CFAP54: variants seen among roughly 807,000 people sequenced by gnomAD.
CFAP54 encodes cilia- and flagella-associated protein 54.
CFAP54 carries 290 observed loss-of-function variants against 370.4 expected under a neutral mutation model. The ratio of observed to expected loss-of-function variants is 0.78; its 90% CI spans 0.71 to 0.86. The LOEUF is 0.86. Among genes scored for constraint, CFAP54 ranks in the 40% least tolerant of loss-of-function variants. The pLI is 0.00. For synonymous variants in CFAP54, 1,206 were observed against 1,236.5 expected, an observed-to-expected ratio of 0.98 and a Z score of 0.52; for missense variants, 3,399 against 3,528.7, an observed-to-expected ratio of 0.96 and a Z score of 0.93.
At chr12:96,687,650 C>T (rs1282756717) in intron 42 of CFAP54, among the ~76,000 whole-genome samples, 2 of 152,158 alleles carry the variant, frequency 1.3e-5, no homozygotes, top group Non-Finnish European at 2.9e-5. Context: ...GAAAGTACTG[C>T]TTTAAAAGTA....
intron 62 of CFAP54, among the ~76,000 whole-genome samples, chr12:96,788,316 G>A (rs1050159250): frequency 5.9e-5 from 9 of 152,098 alleles, no homozygotes; most frequent in African/African-American, 1.4e-4. Context: ...TTTCTGCTTC[G>A]TAGATACAGA....
intron 5 of CFAP54, among the ~76,000 whole-genome samples, chr12:96,514,923 A>G (rs1360903062): frequency 1.3e-5 from 2 of 152,190 alleles, no homozygotes; most frequent in Admixed American, 1.3e-4. Flanking sequence ...CACAGGGTAC[A>G]TAAATTTTGC....
intron 4 of CFAP54, among the ~76,000 whole-genome samples, chr12:96,508,126 CTTT>C (rs398020728): frequency 6.2e-5 from 7 of 112,212 alleles, no homozygotes; most frequent in African/African-American, 1.7e-4. Context: ...CAAACATAGT[CTTT>C]TTTTTTTTTT....
intron 1 of CFAP54, among the ~76,000 whole-genome samples, chr12:96,494,886 C>T (rs1222352929): frequency 1.3e-5 from 2 of 151,962 alleles, no homozygotes; most frequent in African/African-American, 4.8e-5. Flanking sequence ...CCTACCACGC[C>T]CAGCTAATTT....
At chr12:96,819,794 A>C (rs1374326851) in intron 65 of CFAP54, among the ~76,000 whole-genome samples, 1 of 152,144 alleles carries the variant, frequency 6.6e-6, no homozygotes, top group South Asian at 2.1e-4. Context: ...TGAAGTATTC[A>C]TATTTATCAA....
intron 67 of CFAP54, among the ~76,000 whole-genome samples, chr12:96,861,171 T>G (rs1169791909): frequency 6.6e-6 from 1 of 152,224 alleles, no homozygotes; most frequent in Non-Finnish European, 1.5e-5. Context: ...GAAAACAAGT[T>G]TATGTGCAGT....
chr12:96,691,367 C>G, intron 44 of CFAP54, 57 bp downstream of exon 44: 1 of 1,290,382 alleles, frequency 7.7e-7, no homozygotes. Context: ...CTCCACTTAC[C>G]TCATACTTTT....
chr12:96,545,751 A>G (rs900250513), intron 14 of CFAP54, among the ~76,000 whole-genome samples: 5 of 152,126 alleles, frequency 3.3e-5, no homozygotes, highest in South Asian at 4.1e-4. Context: ...TTTTTGTCCA[A>G]TCGCATTTCT....
chr12:96,546,455 G>T (rs1043315265), intron 14 of CFAP54, among the ~76,000 whole-genome samples: 21 of 152,142 alleles, frequency 1.4e-4, no homozygotes, highest in African/African-American at 5.1e-4. Flanking sequence ...TTAGCTTGTA[G>T]ATTTAAAATA....
At chr12:96,665,536 A>G (rs57999852) in intron 39 of CFAP54, among the ~76,000 whole-genome samples, 37,601 of 152,080 alleles carry the variant, frequency 0.25, 4,816 homozygotes, top group South Asian at 0.29. Flanking sequence ...TCTTCTATAT[A>G]TGTCCAGCCA....
rs139327083 is a variant in CFAP54, at chr12:96,685,053, A to G, written c.5829A>G (p.Gln1943=). Residue 1943 remains glutamine, a synonymous_variant, in exon 42 of 68, where the codon CAA becomes CAG. Coordinates refer to ENST00000524981, the MANE Select transcript of CFAP54 (RefSeq NM_001306084.2). ...KKRAAFKCWC[Q]ALDDIFRKPD... is the part of the protein sequence containing the mutation. ...GGGCTGCTTTTAAGTGTTGGTGTCA[A>G]GCTCTTGATGACATATTCAGAAAAC... is the stretch of plus-strand genomic sequence containing the variant. 54 of 1,614,024 alleles carry G rather than the reference A, an allele frequency of 3.3e-5. No homozygotes were observed. In the African/African-American group the frequency reaches 5.6e-4, roughly 17 times the overall value.
chr12:96,534,816 AT>A (rs1955484541), intron 11 of CFAP54, among the ~76,000 whole-genome samples: 1 of 152,088 alleles, frequency 6.6e-6, no homozygotes, highest in African/African-American at 2.4e-5. Flanking sequence ...CCAAGTAATG[AT>A]ATATGTCTTC....
intron 26 of CFAP54, among the ~76,000 whole-genome samples, chr12:96,605,313 C>G (rs1956289088): frequency 6.6e-6 from 1 of 152,104 alleles, no homozygotes; most frequent in Non-Finnish European, 1.5e-5. Context: ...TAGAAGGTAT[C>G]AAGAAACCAA....
intron 19 of CFAP54, among the ~76,000 whole-genome samples, chr12:96,569,710 G>A (rs1343837149): frequency 6.6e-6 from 1 of 152,164 alleles, no homozygotes; most frequent in East Asian, 1.9e-4. Context: ...GCAGGTTATT[G>A]TTTATAATCA....
At chr12:96,564,396 C>T (rs1955844627) in intron 17 of CFAP54, 72 bp from the exon 18 acceptor site, 2 of 621,260 alleles carry the variant, frequency 3.2e-6, no homozygotes, top group East Asian at 5.6e-5. Flanking sequence ...AATAGTTACT[C>T]CTTAGTATTT....
chr12:96,831,500 A>G (rs1435951330), intron 66 of CFAP54, among the ~76,000 whole-genome samples: 1 of 152,214 alleles, frequency 6.6e-6, no homozygotes, highest in African/African-American at 2.4e-5. Flanking sequence ...CAGAGACTGT[A>G]TGGCCTACAA....
intron 32 of CFAP54, among the ~76,000 whole-genome samples, chr12:96,631,233 A>G (rs899127174): frequency 2.6e-5 from 4 of 151,858 alleles, no homozygotes; most frequent in Admixed American, 2.6e-4. Context: ...TTAAATTATG[A>G]CATATTTTTA....
chr12:96,542,113 A>G (rs1030174957), intron 14 of CFAP54, among the ~76,000 whole-genome samples: 1 of 152,194 alleles, frequency 6.6e-6, no homozygotes, highest in Non-Finnish European at 1.5e-5. Context: ...TAGAGCATGT[A>G]TGACATCTGG....
At chr12:96,572,348 A>C (rs75760875) in intron 19 of CFAP54, among the ~76,000 whole-genome samples, 3,708 of 152,034 alleles carry the variant, frequency 0.024, 99 homozygotes, top group African/African-American at 0.066. Flanking sequence ...TGGATCTTAA[A>C]GCAGAGAAGA....
Sources: allele counts gnomAD v4.1 joint callset (sites outside exome capture counted in the v4.1 genomes callset), GRCh38; gene constraint gnomAD v4.1.1; transcripts MANE v1.5; gene names NCBI Gene and HGNC (gene_info 2026-07-23, HGNC 2026-07-21).